COL4A3: variants seen among roughly 807,000 people sequenced by gnomAD.
The protein encoded by COL4A3 is collagen type IV alpha 3 chain.
In COL4A3, 135 loss-of-function variants were observed where a neutral mutation model predicts 217.4. The observed-to-expected ratio is 0.62, with a 90% CI of 0.54 to 0.72. COL4A3 has a LOEUF of 0.72. Ranked by LOEUF, COL4A3 falls within the 30% of genes least tolerant of loss-of-function variation. The pLI, the probability that COL4A3 is intolerant of heterozygous loss-of-function variation, is 0.00. For missense variants in COL4A3, 1,868 were observed against 2,119.9 expected (o/e 0.88, Z 2.33); for synonymous variants, 690 against 736.3 (o/e 0.94, Z 1.02).
At position 227,196,930 on chromosome 2, in the gene COL4A3, C is replaced by T. The variant is rs188852921; in HGVS notation, c.87+32117C>T. 1.3e-3 allele frequency among the ~76,000 whole-genome samples: 194 copies of T among 152,252 alleles called. 1 individual carries two copies. Among genetic ancestry groups the T allele is most frequent in the African/African-American group, 4.3e-3 (178 of 41,542 alleles). On this transcript the variant is annotated intron_variant, in intron 1 of 51. Transcript: ENST00000396578. ...TGTAGCTCCTCCCATAATTCCCACA[C>T]GTTGTGAGAGGGACCCAGTGGGAGG... is the stretch of plus-strand genomic sequence containing the variant.
At chr2:227,297,597 C>A in intron 41 of COL4A3, 77 bp from the exon 42 acceptor site, 1 of 1,365,750 alleles carries the variant, frequency 7.3e-7, no homozygotes, top group Non-Finnish European at 1.0e-6. Flanking sequence ...AAAGTACCTA[C>A]ATTATTAAAG....
chr2:227,186,676 T>C (rs1250880752), intron 1 of COL4A3, among the ~76,000 whole-genome samples: 1 of 152,038 alleles, frequency 6.6e-6, no homozygotes, highest in African/African-American at 2.4e-5. Context: ...TGAGGGAGAG[T>C]GTAGATCATC....
At chr2:227,222,145 AATAATAATAATAATAATAATGATAATG>A (rs1190843857) in intron 1 of COL4A3, among the ~76,000 whole-genome samples, 17 of 85,060 alleles carry the variant, frequency 2.0e-4, no homozygotes, top group Admixed American at 4.7e-4. Context: ...TAATAATAAT[AATAATAATAATAATAATAATGATAATG>A]ATAATAAAAA....
At chr2:227,276,768 G>T (rs1003474959) in intron 27 of COL4A3, among the ~76,000 whole-genome samples, 2 of 152,190 alleles carry the variant, frequency 1.3e-5, no homozygotes, top group African/African-American at 2.4e-5. Flanking sequence ...GAGTTTTGGT[G>T]GGGGAGCAAG....
chr2:227,176,379 G>A lies in COL4A3; in HGVS notation c.87+11566G>A, dbSNP rs142238374. Among the ~76,000 whole-genome samples, 534 of 152,190 alleles carry A rather than the reference G, an allele frequency of 3.5e-3. 2 individuals carry two copies. Among genetic ancestry groups the A allele is most frequent in the African/African-American group, 0.012 (497 of 41,534 alleles). On this transcript the variant is annotated intron_variant, in intron 1 of 51. Transcript: ENST00000396578. ...TGTGTACATATAAATTTGCACACAC[G>A]TATATTTAAATAATATTTTATATTC...
chr2:227,267,495 GT>G (rs1263883535), intron 23 of COL4A3, among the ~76,000 whole-genome samples: 1 of 152,128 alleles, frequency 6.6e-6, no homozygotes, highest in Non-Finnish European at 1.5e-5. Context: ...TTTTAAAAGA[GT>G]CATAGAAAAA....
At chr2:227,222,166 G>A (rs7605488) in intron 1 of COL4A3, among the ~76,000 whole-genome samples, 43,600 of 92,262 alleles carry the variant, frequency 0.47, 7,026 homozygotes, top group East Asian at 0.56. Context: ...TAATAATAAT[G>A]ATAATGATAA....
chr2:227,256,079 T>C lies in COL4A3; in HGVS notation c.933+9T>C, dbSNP rs752703682. On this transcript the variant is annotated intron_variant, in intron 16 of 51. Transcript: ENST00000396578. ...GCTTCCCTGGAAGTGAGGTATAGAGTTGATTTGGCCTATGGAGGTAGTAAA... is the reference window on the plus strand; with the variant it reads ...GCTTCCCTGGAAGTGAGGTATAGAGCTGATTTGGCCTATGGAGGTAGTAAA... 2.7e-5 allele frequency: 44 copies of C among 1,613,612 alleles called. No homozygotes were observed. The East Asian group carries it at 9.4e-4, about 34-fold the overall frequency.
chr2:227,304,347 T>C (rs952871130), intron 46 of COL4A3: 96 of 620,082 alleles, frequency 1.5e-4, no homozygotes, highest in Non-Finnish European at 2.4e-4. Context: ...CAGTTGTTCA[T>C]AGTATAACTT....
chr2:227,268,850 T>C (rs982062211), intron 23 of COL4A3: 3 of 152,148 alleles, frequency 2.0e-5, no homozygotes, highest in Non-Finnish European at 1.5e-5. Flanking sequence ...AAATCATTAT[T>C]TTCCTATACT....
chr2:227,230,457 A>G (rs2068341065), intron 1 of COL4A3, among the ~76,000 whole-genome samples: 1 of 152,170 alleles, frequency 6.6e-6, no homozygotes, highest in Non-Finnish European at 1.5e-5. Flanking sequence ...CTGGAAGGAG[A>G]AAAATCATAA....
rs2066256991 is a variant in COL4A3 at position 227,191,874 on chromosome 2, A to G, written c.87+27061A>G. Among the ~76,000 whole-genome samples the G allele has an allele frequency of 6.6e-6, 1 of 152,250 alleles. No homozygotes were observed. Among genetic ancestry groups the G allele is most frequent in the Non-Finnish European group, 1.5e-5 (1 of 68,034 alleles). ...TCTTACAAAACACAAAGACCTTGGA[A>G]TAAATTTGGCAATTTCTTCAACAGC... is the stretch of plus-strand genomic sequence containing the variant. On this transcript the variant is annotated intron_variant, in intron 1 of 51. Transcript: ENST00000396578. This position sits in a 1 kb window ranked among gnomAD's most constrained non-coding sequence, Gnocchi z 6.8.
At chr2:227,210,947 T>A (rs1161739128) in intron 1 of COL4A3, among the ~76,000 whole-genome samples, 2 of 152,148 alleles carry the variant, frequency 1.3e-5, no homozygotes, top group Non-Finnish European at 2.9e-5. Flanking sequence ...TGTACGTGTG[T>A]TCGTTTTCAT....
Position 227,267,084 on chromosome 2 carries a change from C to A in COL4A3, c.1500C>A (p.Ile500=), listed in dbSNP as rs2125982662. The A allele has an allele frequency of 6.2e-7, 1 of 1,612,286 alleles. No individual in the cohort carries two copies. The highest frequency in any genetic ancestry group is 1.1e-5 in the South Asian group (1 of 91,018). Residue 500 remains isoleucine (I), a synonymous_variant, in exon 23 of 52, where the codon ATC becomes ATA. Transcript: ENST00000396578. ...GLPGLHGVKG[I]PGRQGAAGLK... ...CAGGGTTACATGGTGTAAAAGGAAT[C>A]CCAGGTACAAACAATTTGCATGCAA...
intron 26 of COL4A3, among the ~76,000 whole-genome samples, chr2:227,274,799 G>A (rs1244775312): frequency 6.6e-6 from 1 of 152,020 alleles, no homozygotes; most frequent in Non-Finnish European, 1.5e-5. Context: ...ATGCCTGGCC[G>A]AAGGAGGCTG....
chr2:227,272,734 T>C (rs1165130891), intron 25 of COL4A3, among the ~76,000 whole-genome samples: 1 of 152,136 alleles, frequency 6.6e-6, no homozygotes, highest in Non-Finnish European at 1.5e-5. Context: ...TCAAGACAGT[T>C]CCAAGTTCAA....
rs2068538184 is a variant in COL4A3, at chr2:227,233,780, G to A, written c.88-4188G>A. The stretch of plus-strand genomic sequence containing the variant: ...CAGACACCAGGCAGGGAGGACTCAC[G>A]GGAACAGCACGCTCACATCAGAGCC... On this transcript the variant is annotated intron_variant, in intron 1 of 51. Transcript: ENST00000396578. Among the ~76,000 whole-genome samples the A allele has an allele frequency of 3.3e-5, 5 of 152,238 alleles. No homozygotes were observed. In the South Asian group the frequency reaches 6.2e-4, roughly 19 times the overall value.
intron 1 of COL4A3, among the ~76,000 whole-genome samples, chr2:227,210,416 C>A (rs1304687457): frequency 6.6e-6 from 1 of 151,022 alleles, no homozygotes; most frequent in Non-Finnish European, 1.5e-5. Context: ...CATGGTGAAA[C>A]CCCATCTCTA....
At chr2:227,190,292 C>G (rs945135553) in intron 1 of COL4A3, among the ~76,000 whole-genome samples, 7 of 152,206 alleles carry the variant, frequency 4.6e-5, no homozygotes, top group Non-Finnish European at 1.0e-4. Flanking sequence ...GGCGTGCCTG[C>G]TCCATGATAC....
Sources: allele counts gnomAD v4.1 joint callset (sites outside exome capture counted in the v4.1 genomes callset), GRCh38; gene constraint gnomAD v4.1.1; non-coding constraint Gnocchi (gnomAD v3.1); transcripts MANE v1.5; gene names NCBI Gene and HGNC (gene_info 2026-07-23, HGNC 2026-07-21).